The following SLC39A6 variants were observed in gnomAD, a reference collection of about 807,000 sequenced individuals.
SLC39A6 encodes solute carrier family 39 member 6, also known as zinc transporter ZIP6.
SLC39A6 carries 51 observed loss-of-function variants against 63.5 expected under a neutral mutation model. The observed-to-expected ratio is 0.80, with a 90% CI of 0.64 to 1.01. The LOEUF is 1.01. Ranked by LOEUF, SLC39A6 falls within the 50% of genes least tolerant of loss-of-function variation. SLC39A6 has a pLI of 0.00. For synonymous variants in SLC39A6, 318 were observed against 324.7 expected (o/e 0.98, Z 0.22); for missense variants, 805 against 927.8 (o/e 0.87, Z 1.72).
chr18:36,114,047 T>C (rs766145674), intron 7 of SLC39A6, 50 bp downstream of exon 7: 5 of 1,521,910 alleles, frequency 3.3e-6, no homozygotes, highest in African/African-American at 1.4e-5. Flanking sequence ...AGGTGTTTAA[T>C]GTGACATTTT....
chr18:36,121,993 G>T, intron 5 of SLC39A6, 59 bp downstream of exon 5: 1 of 1,236,008 alleles, frequency 8.1e-7, no homozygotes, highest in Non-Finnish European at 1.2e-6. Context: ...AATCTAGTTA[G>T]AGTACTACTA....
In SLC39A6 at chr18:36,110,841, C is replaced by CA. The variant is rs201800919; in HGVS notation, c.2115+217dup. 8.7e-3 allele frequency among the ~76,000 whole-genome samples: 1,307 copies of CA among 149,414 alleles called. 27 individuals carry two copies. The highest frequency in any genetic ancestry group is 0.03 in the African/African-American group (1,208 of 40,772). On this transcript the variant is annotated intron_variant, in intron 9 of 9. Coordinates refer to ENST00000269187, the MANE Select transcript of SLC39A6 (RefSeq NM_012319.4). ...ACAGGCATGAGCCACCGTGCCCAGC[C>CA]AAAAAAAAAGATATTTTATTGAGCC...
chr18:36,124,322 A>G (rs921099849), intron 3 of SLC39A6, among the ~76,000 whole-genome samples, 198 bp downstream of exon 3: 1 of 152,120 alleles, frequency 6.6e-6, no homozygotes, highest in African/African-American at 2.4e-5. Flanking sequence ...TCATAATTGA[A>G]ATTTTATTTT....
Position 36,126,820 on chromosome 18 carries a change from C to T in SLC39A6, c.188G>A (p.Arg63His), listed in dbSNP as rs369436135. 17 of 1,613,998 alleles carry T rather than the reference C, an allele frequency of 1.1e-5. No homozygotes were observed. The highest frequency in any genetic ancestry group is 3.3e-5 in the Admixed American group (2 of 60,006). ...TGACAAAGAATTATTTTCTCCATAG[C>T]GGTAGAAAAGCTGTTGTAGATGATA... ...RQYHLQQLFY[R>H]YGENNSLSVE... is the part of the protein sequence containing the mutation. The change falls in exon 2 of 10, where the codon CGC becomes CAC. Residue 63 changes from arginine to histidine, a missense_variant. Physicochemically the swap from Arg to His is conservative, Grantham distance 29. Transcript: ENST00000269187.
In SLC39A6 at chr18:36,126,536, G is replaced by A. The variant is rs1197835673; in HGVS notation, c.472C>T (p.Pro158Ser). ...GCTCCTTTCCCCTGGCTGTTTCTAGGATCTTTACCTGAACTATCTGAGTCA... is the reference window on the plus strand; with the variant it reads ...GCTCCTTTCCCCTGGCTGTTTCTAGAATCTTTACCTGAACTATCTGAGTCA... ...DHDSDSSGKD[P>S]RNSQGKGAHR... Residue 158 changes from proline (P) to serine (S), a missense_variant, in exon 2 of 10, where the codon CCT becomes TCT. Transcript: ENST00000269187. The A allele has an allele frequency of 2.5e-6, 4 of 1,614,192 alleles. No individual in the cohort carries two copies. The highest frequency in any genetic ancestry group is 2.2e-5 in the East Asian group (1 of 44,892).
At chr18:36,110,901 G>T in intron 9 of SLC39A6, 158 bp downstream of exon 9, 1 of 1,217,284 alleles carries the variant, frequency 8.2e-7, no homozygotes, top group Non-Finnish European at 1.1e-6. Flanking sequence ...TGAGATGGAA[G>T]GATCATTTGG....
intron 1 of SLC39A6, 135 bp from the exon 2 acceptor site, chr18:36,127,151 C>A (rs1598714761): frequency 1.3e-6 from 1 of 750,840 alleles, no homozygotes. Context: ...CAGTGTGACG[C>A]TAGGTACTGT....
intron 1 of SLC39A6, among the ~76,000 whole-genome samples, chr18:36,128,877 C>A (rs1350281004): frequency 2.0e-5 from 3 of 152,230 alleles, no homozygotes; most frequent in Non-Finnish European, 4.4e-5. Flanking sequence ...AAGTACGGAT[C>A]TTTTCCTCAA....
At chr18:36,110,320 A>C (rs957399919) in intron 9 of SLC39A6, among the ~76,000 whole-genome samples, 7 of 152,008 alleles carry the variant, frequency 4.6e-5, no homozygotes, top group Admixed American at 6.6e-5. Context: ...ACAAATCTAT[A>C]GAAAATTCAC....
In SLC39A6 at chr18:36,114,272, G is replaced by A. The variant is rs1321120304; in HGVS notation, c.1668C>T (p.His556=). Residue 556 remains histidine, a synonymous_variant, in exon 7 of 10, where the codon CAC becomes CAT. Coordinates refer to ENST00000269187, the MANE Select transcript of SLC39A6 (RefSeq NM_012319.4). ...GAATATGATGGTAGTCATGATGGTGGTGAATGAGATCGTCTGACTGGCCGA... is the reference window on the plus strand; with the variant it reads ...GAATATGATGGTAGTCATGATGGTGATGAATGAGATCGTCTGACTGGCCGA... The part of the protein sequence containing the change: ...DTLGQSDDLI[H]HHHDYHHILH... The A allele has an allele frequency of 1.2e-6, 2 of 1,614,082 alleles. No individual in the cohort carries two copies. The highest frequency in any genetic ancestry group is 1.7e-6 in the Non-Finnish European group (2 of 1,180,044).
chr18:36,116,510 T>C (rs2089346583), intron 6 of SLC39A6, among the ~76,000 whole-genome samples, 164 bp downstream of exon 6: 1 of 152,134 alleles, frequency 6.6e-6, no homozygotes, highest in Non-Finnish European at 1.5e-5. Context: ...TAAATGTAAA[T>C]ATACAAAAAC....
At chr18:36,120,096 A>G (rs1339163727) in intron 5 of SLC39A6, among the ~76,000 whole-genome samples, 1 of 152,144 alleles carries the variant, frequency 6.6e-6, no homozygotes, top group Non-Finnish European at 1.5e-5. Flanking sequence ...AGAAGACTTA[A>G]AGAAGTAGGA....
At chr18:36,117,988 G>A (rs1196197899) in intron 5 of SLC39A6, among the ~76,000 whole-genome samples, 1 of 148,976 alleles carries the variant, frequency 6.7e-6, no homozygotes, top group Non-Finnish European at 1.5e-5. Flanking sequence ...CAGAGATCGC[G>A]CCACTGCACT....
In SLC39A6 at chr18:36,108,562, A is replaced by T. The variant is rs2089277975; in HGVS notation, c.*1031T>A. The T allele has an allele frequency of 6.6e-6, 1 of 152,236 alleles. No homozygotes were observed. The highest frequency in any genetic ancestry group is 1.5e-5 in the Non-Finnish European group (1 of 68,040). The allele number at this position is 152,236 out of a possible 1,614,324, so 9.4% of individuals were successfully genotyped here. A position where few individuals can be genotyped will look rare whatever the true frequency, so the allele number is the denominator to read the frequency against. On this transcript the variant is annotated 3_prime_UTR_variant, in exon 10 of 10. Coordinates refer to ENST00000269187, the MANE Select transcript of SLC39A6 (RefSeq NM_012319.4). The stretch of plus-strand genomic sequence containing the variant: ...TGATATAAGGAATTTATTGTGTAAA[A>T]AAGAAACATCTAGAGAATGCCACAG...
chr18:36,110,109 T>C (rs1179219813), intron 9 of SLC39A6, among the ~76,000 whole-genome samples: 2 of 152,198 alleles, frequency 1.3e-5, no homozygotes, highest in Admixed American at 1.3e-4. Flanking sequence ...CCTTATACTA[T>C]ATAAGATACA....
chr18:36,118,176 A>AT (rs1305385416), intron 5 of SLC39A6, among the ~76,000 whole-genome samples: 1 of 152,208 alleles, frequency 6.6e-6, no homozygotes, highest in Non-Finnish European at 1.5e-5. Flanking sequence ...TTTATTTCTC[A>AT]TTGGGCAATT....
rs1416881204 is a variant in SLC39A6, at chr18:36,122,167, C to T, written c.1244G>A (p.Ser415Asn). The change falls in exon 5 of 10, where the codon AGT becomes AAT. Residue 415 changes from serine to asparagine, a missense_variant. Transcript: ENST00000269187. ...SHLSSQNIEE[S>N]AYFDSTWKGL... ...CTTCCACGTGGAATCAAAATAGGCA[C>T]TTTCTTCTATGTTTTGAGAAGACAG... The T allele has an allele frequency of 1.2e-6, 2 of 1,614,062 alleles. No individual in the cohort carries two copies. Among genetic ancestry groups the T allele is most frequent in the African/African-American group, 1.3e-5 (1 of 75,050 alleles).
At chr18:36,116,493 G>GA (rs1175582686) in intron 6 of SLC39A6, among the ~76,000 whole-genome samples, 181 bp downstream of exon 6, 3 of 152,072 alleles carry the variant, frequency 2.0e-5, no homozygotes, top group Admixed American at 6.6e-5. Context: ...AAAAGTTACA[G>GA]AAAAAATAAA....
At chr18:36,110,723 G>A (rs541904430) in intron 9 of SLC39A6, among the ~76,000 whole-genome samples, 245 of 152,198 alleles carry the variant, frequency 1.6e-3, no homozygotes, top group Non-Finnish European at 1.7e-3. Context: ...GTAGTTTTTA[G>A]TTGAGACAGG....
Sources: gnomAD v4.1 joint callset for allele counts (sites outside exome capture counted in the v4.1 genomes callset) on GRCh38, gnomAD v4.1.1 for gene constraint, MANE v1.5 for transcripts, NCBI Gene and HGNC (gene_info 2026-07-23, HGNC 2026-07-21) for gene names.